The following ZC3H6 variants were observed in gnomAD, a reference collection of about 807,000 sequenced individuals.
ZC3H6 encodes zinc finger CCCH-type containing 6.
In ZC3H6, 40 loss-of-function variants were observed where a neutral mutation model predicts 107.7. The ratio of observed to expected loss-of-function variants is 0.37; its 90% CI spans 0.29 to 0.48. The LOEUF (loss-of-function observed/expected upper bound fraction) is 0.48. Among genes scored for constraint, ZC3H6 ranks in the 20% least tolerant of loss-of-function variants. The pLI, the probability that ZC3H6 is intolerant of heterozygous loss-of-function variation, is 0.98. For synonymous variants in ZC3H6, 493 were observed against 487.9 expected, an observed-to-expected ratio of 1.01 and a Z score of -0.14; for missense variants, 1,267 against 1,410.4, an observed-to-expected ratio of 0.90 and a Z score of 1.63.
intron 11 of ZC3H6, among the ~76,000 whole-genome samples, chr2:112,330,055 G>GTT (rs796884389): frequency 1.1e-4 from 15 of 142,804 alleles, no homozygotes; most frequent in Admixed American, 2.8e-4. Flanking sequence ...AGGATGGTAG[G>GTT]TTTTTTTTTT....
chr2:112,313,430 A>G (rs1676628966), intron 5 of ZC3H6, among the ~76,000 whole-genome samples: 1 of 152,106 alleles, frequency 6.6e-6, no homozygotes, highest in East Asian at 1.9e-4. Context: ...ATACCTTTAA[A>G]CAAAATTAGC....
intron 1 of ZC3H6, among the ~76,000 whole-genome samples, chr2:112,288,301 A>T (rs1318295608): frequency 6.6e-6 from 1 of 151,854 alleles, no homozygotes; most frequent in Non-Finnish European, 1.5e-5. Context: ...TTCTCCTTGG[A>T]TTTGTAACCT....
intron 11 of ZC3H6, among the ~76,000 whole-genome samples, chr2:112,327,034 C>G (rs767612438): frequency 2.0e-5 from 3 of 152,164 alleles, no homozygotes; most frequent in Non-Finnish European, 4.4e-5. Flanking sequence ...TGGGTATATA[C>G]CTGGCAGTGG....
Position 112,324,397 on chromosome 2 carries a change from A to C in ZC3H6, c.1586A>C (p.Gln529Pro). 1.2e-6 allele frequency: 2 copies of C among 1,614,026 alleles called. No individual in the cohort carries two copies. Among genetic ancestry groups the C allele is most frequent in the Non-Finnish European group, 1.7e-6 (2 of 1,179,894 alleles). Reference protein sequence around the residue: ...PPGPPEIVGPQNQAGVLVQPD... With the variant: ...PPGPPEIVGPPNQAGVLVQPD... ...GGTCCACCTGAAATTGTAGGTCCTC[A>C]AAATCAAGCTGGAGTGCTTGTTCAA... is the stretch of plus-strand genomic sequence containing the variant. Residue 529 changes from glutamine to proline, a missense_variant, in exon 10 of 12, where the codon CAA becomes CCA. Physicochemically the swap from Gln to Pro is moderately conservative, Grantham distance 76. This residue lies in a region of ZC3H6 where 925 missense variants were observed against 1,025.7 expected (regional missense o/e 0.90). Transcript: ENST00000409871.
intron 1 of ZC3H6, among the ~76,000 whole-genome samples, chr2:112,297,142 T>C (rs1328102252): frequency 6.6e-6 from 1 of 152,224 alleles, no homozygotes; most frequent in East Asian, 1.9e-4. Context: ...CTTTTTATTA[T>C]AGAACACCTC....
intron 1 of ZC3H6, among the ~76,000 whole-genome samples, chr2:112,280,879 C>G (rs1193441148): frequency 2.0e-5 from 3 of 152,100 alleles, no homozygotes; most frequent in Non-Finnish European, 4.4e-5. Context: ...CCATCAAAGT[C>G]TTTTAAGCAG....
At chr2:112,321,180 A>G (rs929735544) in intron 7 of ZC3H6, among the ~76,000 whole-genome samples, 41 of 151,954 alleles carry the variant, frequency 2.7e-4, no homozygotes, top group Admixed American at 1.2e-3. Context: ...TTTGTCTCCA[A>G]AATCCTAAGA....
At chr2:112,306,798 C>T (rs1470945060) in intron 3 of ZC3H6, among the ~76,000 whole-genome samples, 1 of 152,130 alleles carries the variant, frequency 6.6e-6, no homozygotes, top group East Asian at 1.9e-4. Context: ...ACTAAGCTTC[C>T]ACCTTTTCCA....
chr2:112,301,657 T>A (rs766107374), intron 2 of ZC3H6, among the ~76,000 whole-genome samples: 24 of 152,014 alleles, frequency 1.6e-4, no homozygotes, highest in Non-Finnish European at 3.1e-4. Flanking sequence ...TATGAAAAAT[T>A]TAACCTAATA....
At chr2:112,311,269 G>A (rs1417964812) in intron 4 of ZC3H6, among the ~76,000 whole-genome samples, 1 of 152,166 alleles carries the variant, frequency 6.6e-6, no homozygotes, top group Non-Finnish European at 1.5e-5. Flanking sequence ...ATTCCAGTCT[G>A]GGTGACAGAG....
intron 1 of ZC3H6, among the ~76,000 whole-genome samples, chr2:112,290,397 C>G (rs1308133798): frequency 6.6e-6 from 1 of 152,258 alleles, no homozygotes; most frequent in African/African-American, 2.4e-5. Flanking sequence ...TTTACGACTT[C>G]CTCAGGGAAA....
chr2:112,331,293 G>A lies in ZC3H6; in HGVS notation c.2375G>A (p.Gly792Glu), dbSNP rs773013654. The stretch of plus-strand genomic sequence containing the variant: ...GATCCCAGGAAATTGAGAGGGAATG[G>A]AAGTGGTCACATAGGCTCTTCTGTT... The part of the protein sequence containing the change: ...AWDPRKLRGN[G>E]SGHIGSSVGG... Residue 792 changes from glycine (G) to glutamate (E), a missense_variant, in exon 12 of 12, where the codon GGA (glycine) becomes GAA (glutamate). Physicochemically the swap from Gly to Glu is moderately conservative, Grantham distance 98. Around this residue, in one of 3 missense-constraint regions of ZC3H6, gnomAD observed 925 missense variants for 1,025.7 expected, o/e 0.90. Transcript: ENST00000409871. The A allele has an allele frequency of 3.1e-6, 5 of 1,613,530 alleles. No individual in the cohort carries two copies. Among genetic ancestry groups the A allele is most frequent in the Non-Finnish European group, 2.5e-6 (3 of 1,179,900 alleles).
chr2:112,323,545 G>T (rs1280983627), intron 9 of ZC3H6, among the ~76,000 whole-genome samples: 1 of 152,168 alleles, frequency 6.6e-6, no homozygotes, highest in African/African-American at 2.4e-5. Flanking sequence ...ATTATATATT[G>T]TATCCTGGTC....
rs1473743746 is a variant in ZC3H6, at chr2:112,338,789, C to T, written c.*6301C>T. On this transcript the variant is annotated 3_prime_UTR_variant, in exon 12 of 12. Coordinates refer to ENST00000409871, the MANE Select transcript of ZC3H6 (RefSeq NM_198581.3). ...ATTAAAAAATAACCATATTCTCAAA[C>T]CTCCATTACCACTAATATCTTGGGG... 1 of 146,776 alleles carries T rather than the reference C, an allele frequency of 6.8e-6. No homozygotes were observed. Among genetic ancestry groups the T allele is most frequent in the Non-Finnish European group, 1.5e-5 (1 of 66,652 alleles). The allele number at this position is 146,776 out of a possible 1,614,324, so 9.1% of individuals were successfully genotyped here.
At chr2:112,302,237 ATACT>A (rs1676392369) in intron 2 of ZC3H6, among the ~76,000 whole-genome samples, 1 of 152,170 alleles carries the variant, frequency 6.6e-6, no homozygotes. Flanking sequence ...GAATGATTAG[ATACT>A]TAAAGTTGAA....
chr2:112,318,399 A>G (rs917176873), intron 7 of ZC3H6, among the ~76,000 whole-genome samples: 2 of 152,238 alleles, frequency 1.3e-5, no homozygotes, highest in East Asian at 1.9e-4. Flanking sequence ...TGTGTAATTT[A>G]TATCACTTAC....
chr2:112,291,275 C>T (rs145106607), intron 1 of ZC3H6, among the ~76,000 whole-genome samples: 17,836 of 151,238 alleles, frequency 0.12, 631 homozygotes, highest in Non-Finnish European at 0.15. Flanking sequence ...ACTCTGTCGG[C>T]CAGGCTGGAG....
In ZC3H6 at chr2:112,278,169, A is replaced by G. The variant is rs1415475805; in HGVS notation, c.32+2143A>G. 2.0e-5 allele frequency among the ~76,000 whole-genome samples: 3 copies of G among 152,326 alleles called. No individual in the cohort carries two copies. In the East Asian group the frequency reaches 5.8e-4, roughly 29 times the overall value. ...GGAAATTCTTAAGAAATTTGGGGAA[A>G]AAATGGACTAATCTGCGGGCTTCCA... On this transcript the variant is annotated intron_variant, in intron 1 of 11. Transcript: ENST00000409871.
intron 6 of ZC3H6, 43 bp from the exon 7 acceptor site, chr2:112,317,178 C>A: frequency 1.8e-6 from 2 of 1,107,938 alleles, no homozygotes; most frequent in Non-Finnish European, 2.5e-6. Flanking sequence ...CTCATTGTTT[C>A]TTACCTTTTT....
Sources: allele counts gnomAD v4.1 joint callset (sites outside exome capture counted in the v4.1 genomes callset), GRCh38; gene constraint gnomAD v4.1.1; regional missense constraint gnomAD v4.1.1; transcripts MANE v1.5; gene names NCBI Gene and HGNC (gene_info 2026-07-23, HGNC 2026-07-21).